Variants in AGO2 observed in about 807,000 individuals in gnomAD.
The protein encoded by AGO2 is protein argonaute-2.
In AGO2, 5 loss-of-function variants were observed where a neutral mutation model predicts 102.3. That is an observed-to-expected ratio of 0.05 (90% CI 0.03 to 0.10). AGO2 has a LOEUF of 0.10. AGO2 is among the 10% of genes least tolerant of loss of function. The pLI is 1.00. For synonymous variants in AGO2, 449 were observed against 473.1 expected (o/e 0.95, Z 0.66); for missense variants, 541 against 1,183.7 (o/e 0.46, Z 7.97).
rs556448789 is a variant in AGO2, at chr8:140,576,639, G to T, written c.216-3707C>A. On this transcript the variant is annotated intron_variant, in intron 2 of 18. Coordinates refer to ENST00000220592, the MANE Select transcript of AGO2 (RefSeq NM_012154.5). ...TACCAAGAGCTGGTGAAGGCGGAGG[G>T]AAATGCTCTCTTCTACGAGGCTGAT... Among the ~76,000 whole-genome samples, 4 of 152,158 alleles carry T rather than the reference G, an allele frequency of 2.6e-5. No individual in the cohort carries two copies. In the South Asian group the frequency reaches 8.3e-4, roughly 32 times the overall value.
chr8:140,558,220 C>T (rs999871050), intron 7 of AGO2, among the ~76,000 whole-genome samples: 1 of 152,254 alleles, frequency 6.6e-6, no homozygotes, highest in Admixed American at 6.5e-5. Flanking sequence ...AGACCCTTCT[C>T]TCCTCTGTGA....
intron 1 of AGO2, among the ~76,000 whole-genome samples, chr8:140,586,867 G>T (rs544405274): frequency 6.6e-6 from 1 of 152,194 alleles, no homozygotes; most frequent in Admixed American, 6.5e-5. Context: ...CTCGATTTCA[G>T]GGTCGGGCAC....
intron 17 of AGO2, among the ~76,000 whole-genome samples, chr8:140,534,964 C>T (rs1259796225): frequency 6.6e-6 from 1 of 152,240 alleles, no homozygotes; most frequent in Non-Finnish European, 1.5e-5. Flanking sequence ...AGGTGGTAAC[C>T]AACACCATGG....
chr8:140,636,364 C>T (rs1173369911), upstream of AGO2: 4 of 152,252 alleles, frequency 2.6e-5, no homozygotes, highest in Non-Finnish European at 5.9e-5. Context: ...CTCGGACCGT[C>T]GTGCACCTCC....
chr8:140,534,791 C>T (rs1171278238), intron 17 of AGO2, among the ~76,000 whole-genome samples: 5 of 152,226 alleles, frequency 3.3e-5, no homozygotes, highest in Non-Finnish European at 5.9e-5. Flanking sequence ...CAGGCAGGGA[C>T]GGCACGTGAC....
At chr8:140,593,591 A>G (rs2073777590) in intron 1 of AGO2, among the ~76,000 whole-genome samples, 1 of 151,630 alleles carries the variant, frequency 6.6e-6, no homozygotes, top group South Asian at 2.1e-4. Context: ...CTTTTACAGT[A>G]ACTGATTCAT....
At chr8:140,615,446 C>T (rs758355815) in intron 1 of AGO2, among the ~76,000 whole-genome samples, 5 of 152,356 alleles carry the variant, frequency 3.3e-5, no homozygotes, top group Middle Eastern at 3.4e-3. Flanking sequence ...ACAGTGGCCC[C>T]GGCCCAGGCA....
intron 1 of AGO2, among the ~76,000 whole-genome samples, chr8:140,591,099 G>A (rs981424653): frequency 2.6e-5 from 4 of 152,222 alleles, no homozygotes; most frequent in Non-Finnish European, 4.4e-5. Flanking sequence ...CCCCGGGTGG[G>A]GGCAGTCCTC....
chr8:140,560,083 C>T (rs560547375), intron 5 of AGO2, among the ~76,000 whole-genome samples: 1 of 152,318 alleles, frequency 6.6e-6, no homozygotes, highest in South Asian at 2.1e-4. Context: ...ACAGTCAAAC[C>T]CAGGCCTACA....
Position 140,567,980 on chromosome 8 carries a change from C to G in AGO2, c.336+4832G>C, listed in dbSNP as rs903486701. On this transcript the variant is annotated intron_variant, in intron 3 of 18. Coordinates refer to ENST00000220592, the MANE Select transcript of AGO2 (RefSeq NM_012154.5). The surrounding 1 kb of genome is among the most constrained non-coding windows in gnomAD (Gnocchi z 5.0). ...GTCCCTACAAAAAGAAAATTAGTGG[C>G]GGGGCACAGTGGCTCACACCTGTAA... Among the ~76,000 whole-genome samples, 1 of 151,604 alleles carries G rather than the reference C, an allele frequency of 6.6e-6. No homozygotes were observed. The highest frequency in any genetic ancestry group is 2.4e-5 in the African/African-American group (1 of 41,206).
chr8:140,541,672 A>G (rs868700805), intron 14 of AGO2, among the ~76,000 whole-genome samples: 1 of 152,194 alleles, frequency 6.6e-6, no homozygotes. Context: ...GGAGGCCGAG[A>G]TGGGCGGATC....
Position 140,551,418 on chromosome 8 carries a change from G to A in AGO2, c.1288C>T (p.Pro430Ser). The A allele has an allele frequency of 6.3e-7, 1 of 1,578,282 alleles. No individual in the cohort carries two copies. Among genetic ancestry groups the A allele is most frequent in the Non-Finnish European group, 8.6e-7 (1 of 1,157,280 alleles). ...YGGRNKAIAT[P>S]VQGVWDMRNK... ...CGCATGTCCCAGACGCCCTGGACAG[G>A]GGTCGCAATAGCTTTATTCTGCAAA... is the stretch of plus-strand genomic sequence containing the variant. Residue 430 changes from proline to serine, a missense_variant, in exon 11 of 19, where the codon CCT becomes TCT. By Grantham distance (74) the Pro-to-Ser change is moderately conservative (BLOSUM62 -1). This residue lies in a region of AGO2 where 309 missense variants were observed against 735.1 expected (regional missense o/e 0.42). Coordinates refer to ENST00000220592, the MANE Select transcript of AGO2 (RefSeq NM_012154.5).
intron 10 of AGO2, among the ~76,000 whole-genome samples, chr8:140,552,739 C>CGA (rs1424177486): frequency 1.4e-5 from 1 of 73,106 alleles, no homozygotes. Flanking sequence ...CGCGCGCGCG[C>CGA]GCACACACAC....
chr8:140,548,332 A>AAC (rs1255046949), intron 12 of AGO2, among the ~76,000 whole-genome samples: 1 of 149,672 alleles, frequency 6.7e-6, no homozygotes, highest in East Asian at 1.9e-4. Context: ...AAAAAAAAAA[A>AAC]AGGAAAAGAA....
chr8:140,553,411 G>GTTTTTTT (rs71320379), intron 10 of AGO2, among the ~76,000 whole-genome samples: 3 of 45,226 alleles, frequency 6.6e-5, no homozygotes, highest in Non-Finnish European at 1.3e-4. Context: ...TTTGTTTTTT[G>GTTTTTTT]TTTTTTTTTT....
chr8:140,632,261 G>A (rs1298780831), intron 1 of AGO2, among the ~76,000 whole-genome samples: 1 of 152,246 alleles, frequency 6.6e-6, no homozygotes, highest in Non-Finnish European at 1.5e-5. Flanking sequence ...AAGACCCAAG[G>A]GGGACTCTGC....
rs868823966 is a variant in AGO2 at position 140,567,981 on chromosome 8, G to C, written c.336+4831C>G. Among the ~76,000 whole-genome samples, 4 of 151,820 alleles carry C rather than the reference G, an allele frequency of 2.6e-5. No homozygotes were observed. The highest frequency in any genetic ancestry group is 5.9e-5 in the Non-Finnish European group (4 of 67,946). On this transcript the variant is annotated intron_variant, in intron 3 of 18. Transcript: ENST00000220592. The surrounding 1 kb of genome is among the most constrained non-coding windows in gnomAD (Gnocchi z 5.0). ...TCCCTACAAAAAGAAAATTAGTGGC[G>C]GGGCACAGTGGCTCACACCTGTAAT...
intron 1 of AGO2, among the ~76,000 whole-genome samples, chr8:140,618,702 C>A (rs1165222759): frequency 6.6e-6 from 1 of 151,842 alleles, no homozygotes; most frequent in East Asian, 1.9e-4. Flanking sequence ...GCGGGGTGCA[C>A]CTGCAGTCCC....
chr8:140,560,910 G>A (rs1456659990), intron 4 of AGO2, among the ~76,000 whole-genome samples: 1 of 152,242 alleles, frequency 6.6e-6, no homozygotes, highest in Non-Finnish European at 1.5e-5. Flanking sequence ...CACCTGCCAA[G>A]TGCCAGCCCC....
Sources: gnomAD v4.1 joint callset for allele counts (sites outside exome capture counted in the v4.1 genomes callset) on GRCh38, gnomAD v4.1.1 for gene constraint, gnomAD v4.1.1 regional missense constraint, Gnocchi (gnomAD v3.1) non-coding constraint, MANE v1.5 for transcripts, NCBI Gene and HGNC (gene_info 2026-07-23, HGNC 2026-07-21) for gene names.